GRM5: variants seen among roughly 807,000 people sequenced by gnomAD.
The protein encoded by GRM5 is glutamate metabotropic receptor 5.
GRM5 carries 19 observed loss-of-function variants against 83.1 expected under a neutral mutation model. The ratio of observed to expected loss-of-function variants is 0.23; its 90% CI spans 0.16 to 0.34. The LOEUF (loss-of-function observed/expected upper bound fraction) is 0.34. Ranked by LOEUF, GRM5 falls within the 10% of genes least tolerant of loss-of-function variation. GRM5 has a pLI of 1.00. For missense variants in GRM5, 1,160 were observed against 1,588.3 expected, an observed-to-expected ratio of 0.73 and a Z score of 4.58; for synonymous variants, 675 against 633.6, an observed-to-expected ratio of 1.07 and a Z score of -0.98.
chr11:88,860,092 G>A (rs1438037628), intron 2 of GRM5, among the ~76,000 whole-genome samples: 1 of 152,096 alleles, frequency 6.6e-6, no homozygotes, highest in Non-Finnish European at 1.5e-5. Context: ...CAAAAACAGT[G>A]ATTTTGGTGT....
At chr11:89,004,972 G>A (rs1483484838) in intron 2 of GRM5, among the ~76,000 whole-genome samples, 1 of 152,162 alleles carries the variant, frequency 6.6e-6, no homozygotes, top group African/African-American at 2.4e-5. Flanking sequence ...TGGGTTACAT[G>A]CAATTGAAAA....
At position 88,641,708 on chromosome 11, in the gene GRM5, A is replaced by C. The variant is rs553919021; in HGVS notation, c.1147+11460T>G. Among the ~76,000 whole-genome samples, 18 of 152,280 alleles carry C rather than the reference A, an allele frequency of 1.2e-4. No homozygotes were observed. In the South Asian group the frequency reaches 3.3e-3, roughly 28 times the overall value. On this transcript the variant is annotated intron_variant, in intron 4 of 9. Coordinates refer to ENST00000305447, the MANE Select transcript of GRM5 (RefSeq NM_001143831.3). ...CCAGTAGGGGAGTTATCCAGTCTTA[A>C]AGCTCCAAAATAATCTCTCTTGCCT... is the stretch of plus-strand genomic sequence containing the variant.
At chr11:88,707,662 T>A (rs1052104802) in intron 3 of GRM5, among the ~76,000 whole-genome samples, 1 of 152,150 alleles carries the variant, frequency 6.6e-6, no homozygotes, top group African/African-American at 2.4e-5. Flanking sequence ...TCTGTAGGAA[T>A]CCTGGAACCA....
intron 7 of GRM5, among the ~76,000 whole-genome samples, chr11:88,575,338 G>A (rs1943087687): frequency 6.6e-6 from 1 of 152,044 alleles, no homozygotes; most frequent in Non-Finnish European, 1.5e-5. Flanking sequence ...TTCAGAGGGG[G>A]CAGTATGAAG....
chr11:88,803,419 AAAAC>A (rs1943438610), intron 3 of GRM5, among the ~76,000 whole-genome samples: 3 of 152,206 alleles, frequency 2.0e-5, no homozygotes, highest in Admixed American at 2.0e-4. Flanking sequence ...AAACTTGAGA[AAAAC>A]AAGCAATGGG....
chr11:88,712,482 C>T (rs546359009), intron 3 of GRM5, among the ~76,000 whole-genome samples: 74 of 152,090 alleles, frequency 4.9e-4, no homozygotes, highest in Middle Eastern at 6.8e-3. Context: ...GAAAGTATGA[C>T]GACAGCCTGG....
intron 1 of GRM5, among the ~76,000 whole-genome samples, chr11:89,049,450 C>A (rs139143405): frequency 0.033 from 4,979 of 152,216 alleles, 251 homozygotes; most frequent in African/African-American, 0.11. Context: ...AAGTGACTAA[C>A]TTTCTAAGCA....
intron 2 of GRM5, among the ~76,000 whole-genome samples, chr11:88,886,220 C>G (rs190688549): frequency 1.3e-5 from 2 of 152,184 alleles, no homozygotes; most frequent in Non-Finnish European, 2.9e-5. Flanking sequence ...TGCTCGTAAA[C>G]TTCTCATATG....
intron 3 of GRM5, among the ~76,000 whole-genome samples, chr11:88,763,961 G>T (rs1241565852): frequency 6.6e-6 from 1 of 151,636 alleles, no homozygotes; most frequent in Non-Finnish European, 1.5e-5. Flanking sequence ...CCAAATCTGT[G>T]TTGTCTACCA....
At chr11:88,918,770 G>A (rs570003674) in intron 2 of GRM5, among the ~76,000 whole-genome samples, 5 of 148,982 alleles carry the variant, frequency 3.4e-5, no homozygotes, top group African/African-American at 1.2e-4. Flanking sequence ...TAAATGTAGA[G>A]TTTTTATTAG....
At chr11:88,627,920 A>G (rs1277193384) in intron 4 of GRM5, among the ~76,000 whole-genome samples, 2 of 152,220 alleles carry the variant, frequency 1.3e-5, no homozygotes, top group Non-Finnish European at 2.9e-5. Context: ...ATATAGAAGA[A>G]AATTCCCCAA....
chr11:88,632,277 A>C, intron 4 of GRM5, among the ~76,000 whole-genome samples: 1 of 116,674 alleles, frequency 8.6e-6, no homozygotes, highest in East Asian at 2.4e-4. Context: ...GGCAGGATCT[A>C]ACTCCTTCAT....
chr11:88,752,385 C>A (rs1002299023), intron 3 of GRM5, among the ~76,000 whole-genome samples: 1 of 152,086 alleles, frequency 6.6e-6, no homozygotes, highest in Non-Finnish European at 1.5e-5. Flanking sequence ...CATAGGAATA[C>A]AGTTAACATG....
rs189576741 is a variant in GRM5 at position 88,901,724 on chromosome 11, G to T, written c.662-51569C>A. Reference sequence around the variant, plus strand: ...ATCCACTCCTTGTCCTTTGAAAAGTGATCATTTGCTTGATTGCTCTCAACA... The same window carrying T: ...ATCCACTCCTTGTCCTTTGAAAAGTTATCATTTGCTTGATTGCTCTCAACA... On this transcript the variant is annotated intron_variant, in intron 2 of 9. Transcript: ENST00000305447. Among the ~76,000 whole-genome samples the T allele has an allele frequency of 4.6e-5, 7 of 152,312 alleles. No homozygotes were observed. The East Asian group carries it at 1.4e-3, about 29-fold the overall frequency.
At chr11:88,573,254 A>G (rs957710523) in intron 7 of GRM5, among the ~76,000 whole-genome samples, 2 of 152,126 alleles carry the variant, frequency 1.3e-5, no homozygotes, top group Non-Finnish European at 2.9e-5. Context: ...TTACTTCACT[A>G]ATGTGTTCCC....
At chr11:88,633,131 T>A (rs185214011) in intron 4 of GRM5, among the ~76,000 whole-genome samples, 21 of 152,322 alleles carry the variant, frequency 1.4e-4, no homozygotes, top group Admixed American at 6.5e-4. Context: ...CACAATAAGA[T>A]ACCACTATGC....
chr11:88,820,317 G>A (rs1199349349), intron 3 of GRM5, among the ~76,000 whole-genome samples: 1 of 135,602 alleles, frequency 7.4e-6, no homozygotes, highest in African/African-American at 2.9e-5. Flanking sequence ...AGAACTTGCA[G>A]TGAGCTGAGA....
chr11:88,769,913 G>C (rs941922431), intron 3 of GRM5, among the ~76,000 whole-genome samples: 1 of 152,034 alleles, frequency 6.6e-6, no homozygotes, highest in African/African-American at 2.4e-5. Context: ...AGTAAAGTAT[G>C]GAAGTGGGGA....
At chr11:89,031,341 ATC>A (rs1222796391) in intron 2 of GRM5, among the ~76,000 whole-genome samples, 2 of 151,930 alleles carry the variant, frequency 1.3e-5, no homozygotes, top group African/African-American at 4.8e-5. Flanking sequence ...CAAGAATTTA[ATC>A]TTTTTGATTA....
Sources: gnomAD v4.1 joint callset for allele counts (sites outside exome capture counted in the v4.1 genomes callset) on GRCh38, gnomAD v4.1.1 for gene constraint, MANE v1.5 for transcripts, NCBI Gene and HGNC (gene_info 2026-07-23, HGNC 2026-07-21) for gene names.